MSH6: variants seen among roughly 807,000 people sequenced by gnomAD.
The protein encoded by MSH6 is mutS homolog 6.
Under a neutral mutation model 119.1 loss-of-function variants are expected in MSH6, and 85 were observed. That is an observed-to-expected ratio of 0.71 (90% CI 0.60 to 0.85). The LOEUF is 0.85. Ranked by LOEUF, MSH6 falls within the 40% of genes least tolerant of loss-of-function variation. The pLI is 0.00. For missense variants in MSH6, 2,163 were observed against 1,655.3 expected (o/e 1.31, Z -5.32); for synonymous variants, 830 against 586.9 (o/e 1.41, Z -5.99).
chr2:47,784,352 C>A, intron 1 of MSH6: 1 of 677,298 alleles, frequency 1.5e-6, no homozygotes, highest in Non-Finnish European at 1.8e-6. Context: ...TTATGGGGCA[C>A]CACTGGGCTT....
intron 2 of MSH6, among the ~76,000 whole-genome samples, chr2:47,794,724 T>C (rs961804101): frequency 1.3e-5 from 2 of 152,324 alleles, no homozygotes; most frequent in African/African-American, 4.8e-5. Flanking sequence ...CTGATCTAGT[T>C]GTCTTTGGGA....
chr2:47,808,066 T>C (rs1670348730), downstream of MSH6: 3 of 1,470,384 alleles, frequency 2.0e-6, no homozygotes, highest in South Asian at 1.2e-5. Context: ...TCCAAAAAAG[T>C]GTTTTAAGTT....
At chr2:47,806,743 CAAAAAAACTT>C in intron 9 of MSH6, 26 bp from the exon 10 acceptor site, 1 of 1,389,274 alleles carries the variant, frequency 7.2e-7, no homozygotes. Flanking sequence ...TATGAAAAAA[CAAAAAAACTT>C]TTTTTTTTTT....
chr2:47,803,735 G>T, intron 5 of MSH6, 50 bp downstream of exon 5: 2 of 1,606,450 alleles, frequency 1.2e-6, no homozygotes, highest in South Asian at 1.1e-5. Flanking sequence ...GTGACATTAG[G>T]AATAACATAC....
In MSH6 at chr2:47,806,506, CT is replaced by C; in HGVS notation, c.3857del (p.Leu1286ProfsTer41). 6.2e-7 allele frequency: 1 copy of C among 1,613,960 alleles called. No individual in the cohort carries two copies. The highest frequency in any genetic ancestry group is 8.5e-7 in the Non-Finnish European group (1 of 1,179,964). ...EDPSQETITF[L>X]YKFIKGACPK... ...CCCCAGCCAGGAGACTATTACGTTC[CT>C]CTATAAATTCATTAAGGGAGCTTGT... On this transcript the variant is annotated frameshift_variant, in exon 9 of 10. Transcript: ENST00000234420. LOFTEE classifies it high-confidence loss of function.
rs864622748 is a variant in MSH6 at position 47,805,695 on chromosome 2, G to T, written c.3634G>T (p.Val1212Leu). Residue 1212 changes from valine (V) to leucine (L), a missense_variant, in exon 7 of 10, where the codon GTG (valine) becomes TTG (leucine). Coordinates refer to ENST00000234420, the MANE Select transcript of MSH6 (RefSeq NM_000179.3). ...MHATAHSLVL[V>L]DELGRGTATF... Reference sequence around the variant, plus strand: ...TGCAACAGCACATTCTCTGGTGCTTGTGGATGAATTAGGTAAGACATTAAA... The same window carrying T: ...TGCAACAGCACATTCTCTGGTGCTTTTGGATGAATTAGGTAAGACATTAAA... 1 of 1,607,924 alleles carries T rather than the reference G, an allele frequency of 6.2e-7. No homozygotes were observed. Among genetic ancestry groups the T allele is most frequent in the African/African-American group, 1.3e-5 (1 of 74,572 alleles).
rs587779921 is a variant in MSH6, at chr2:47,783,423, G to A, written c.190G>A (p.Ala64Thr). ...TGGGCCCAGGCCCTTGGCGCGCTCCGCGTCACCGCCCAAGGCGAAGAACCT... is the reference window on the plus strand; with the variant it reads ...TGGGCCCAGGCCCTTGGCGCGCTCCACGTCACCGCCCAAGGCGAAGAACCT... ...GPGPRPLARSASPPKAKNLNG... is the reference protein window; with the variant it reads ...GPGPRPLARSTSPPKAKNLNG... Residue 64 changes from alanine (A) to threonine (T), a missense_variant, in exon 1 of 10, where the codon GCG (alanine) becomes ACG (threonine). Ala to Thr is a moderately conservative substitution (Grantham distance 58, BLOSUM62 0). Transcript: ENST00000234420. 2 of 1,509,352 alleles carry A rather than the reference G, an allele frequency of 1.3e-6. No individual in the cohort carries two copies. The highest frequency in any genetic ancestry group is 1.3e-5 in the South Asian group (1 of 78,956). 93.5% of individuals were successfully genotyped at this position (1,509,352 alleles called of 1,614,324 possible).
Position 47,800,056 on chromosome 2 carries a change from C to T in MSH6, c.2073C>T (p.Leu691=), listed in dbSNP as rs1553413445. The T allele has an allele frequency of 6.2e-7, 1 of 1,614,000 alleles. No individual in the cohort carries two copies. Among genetic ancestry groups the T allele is most frequent in the Non-Finnish European group, 8.5e-7 (1 of 1,179,988 alleles). ...LSALGGCVFY[L]KKCLIDQELL... is the part of the protein sequence containing the mutation. ...CTCTAGGTGGTTGTGTCTTCTACCT[C>T]AAAAAATGCCTTATTGATCAGGAGC... The change falls in exon 4 of 10, where the codon CTC becomes CTT. Residue 691 remains leucine (L), a synonymous_variant. Transcript: ENST00000234420.
intron 4 of MSH6, 130 bp downstream of exon 4, chr2:47,801,285 CCTGACTAGG>C (rs1669569435): frequency 1.1e-6 from 1 of 923,884 alleles, no homozygotes; most frequent in African/African-American, 1.7e-5. Flanking sequence ...ATATTTGCAT[CCTGACTAGG>C]CTGCCCACAG....
Position 47,800,232 on chromosome 2 carries a change from C to A in MSH6, c.2249C>A (p.Thr750Lys), listed in dbSNP as rs730881817. 6.8e-6 allele frequency: 11 copies of A among 1,614,162 alleles called. No individual in the cohort carries two copies. The highest frequency in any genetic ancestry group is 9.3e-6 in the Non-Finnish European group (11 of 1,180,014). Residue 750 changes from threonine to lysine, a missense_variant, in exon 4 of 10, where the codon ACA (threonine) becomes AAA (lysine). Thr to Lys is a moderately conservative substitution (Grantham distance 78, BLOSUM62 -1). Coordinates refer to ENST00000234420, the MANE Select transcript of MSH6 (RefSeq NM_000179.3). ...AACTTGGAGATTTTTCTGAATGGAA[C>A]AAATGGTTCTACTGAAGGAACCCTA... ...LNNLEIFLNG[T>K]NGSTEGTLLE...
In MSH6 at chr2:47,800,041, TTG is replaced by T. The variant is rs63750075; in HGVS notation, c.2062_2063del (p.Val688LeufsTer9). ...AATTGGCCCTCTCTGCTCTAGGTGG[TTG>T]TGTCTTCTACCTCAAAAAATGCCTT... ...SELALSALGG[C>X]VFYLKKCLID... On this transcript the variant is annotated frameshift_variant, in exon 4 of 10. Transcript: ENST00000234420. LOFTEE classifies it high-confidence loss of function. The T allele has an allele frequency of 6.2e-7, 1 of 1,614,170 alleles. No individual in the cohort carries two copies. The highest frequency in any genetic ancestry group is 8.5e-7 in the Non-Finnish European group (1 of 1,180,030).
chr2:47,793,061 C>T (rs927193593), intron 2 of MSH6, among the ~76,000 whole-genome samples: 2 of 151,640 alleles, frequency 1.3e-5, no homozygotes, highest in East Asian at 3.9e-4. Context: ...TGGCTCACAC[C>T]TGTAATCCCA....
At chr2:47,808,935 G>C (rs997767482), downstream of MSH6, 2 of 402,038 alleles carry the variant, frequency 5.0e-6, no homozygotes, top group Non-Finnish European at 8.8e-6. Context: ...GGGCTCCAGT[G>C]ATCCTCCCAC....
At chr2:47,792,802 G>A (rs539696249) in intron 2 of MSH6, among the ~76,000 whole-genome samples, 6 of 151,186 alleles carry the variant, frequency 4.0e-5, no homozygotes, top group South Asian at 2.1e-4. Flanking sequence ...CTCAGTAACC[G>A]GGACTAGAGG....
chr2:47,785,635 C>G (rs1558647309), intron 1 of MSH6, among the ~76,000 whole-genome samples: 1 of 152,200 alleles, frequency 6.6e-6, no homozygotes, highest in Non-Finnish European at 1.5e-5. Context: ...GTTTAAGCGA[C>G]CCTTTCCCGC....
At chr2:47,786,465 C>T (rs997926668) in intron 1 of MSH6, among the ~76,000 whole-genome samples, 1 of 151,806 alleles carries the variant, frequency 6.6e-6, no homozygotes, top group Non-Finnish European at 1.5e-5. Flanking sequence ...CTCTCAAGTA[C>T]CTGGTATTAC....
rs374230313 is a variant in MSH6, at chr2:47,800,533, C to T, written c.2550C>T (p.Tyr850=). Residue 850 remains tyrosine, a synonymous_variant, in exon 4 of 10, where the codon TAC becomes TAT. Coordinates refer to ENST00000234420, the MANE Select transcript of MSH6 (RefSeq NM_000179.3). The part of the protein sequence containing the change: ...SRAIMYEETT[Y]SKKKIIDFLS... ...CTATAATGTATGAAGAAACTACATA[C>T]AGCAAGAAGAAGATTATTGATTTTC... is the stretch of plus-strand genomic sequence containing the variant. 3.1e-6 allele frequency: 5 copies of T among 1,613,276 alleles called. No individual in the cohort carries two copies. Among genetic ancestry groups the T allele is most frequent in the African/African-American group, 1.3e-5 (1 of 74,764 alleles).
downstream of MSH6, chr2:47,808,810 A>T (rs915215932): frequency 2.3e-5 from 6 of 259,878 alleles, no homozygotes; most frequent in African/African-American, 1.1e-4. Flanking sequence ...ACACAACATG[A>T]GTTACATGAA....
chr2:47,805,174 T>C (rs1044871370), intron 6 of MSH6, 147 bp downstream of exon 6: 3 of 627,560 alleles, frequency 4.8e-6, no homozygotes, highest in African/African-American at 4.1e-5. Flanking sequence ...AACTGCATAG[T>C]CTCTCTCTCT....
Sources: allele counts gnomAD v4.1 joint callset (sites outside exome capture counted in the v4.1 genomes callset), GRCh38; gene constraint gnomAD v4.1.1; transcripts MANE v1.5; gene names NCBI Gene and HGNC (gene_info 2026-07-23, HGNC 2026-07-21).